Variants in FHOD3 observed in about 807,000 individuals in gnomAD.
The protein encoded by FHOD3 is formin homology 2 domain containing 3.
In FHOD3, 90 loss-of-function variants were observed where a neutral mutation model predicts 173.0. The ratio of observed to expected loss-of-function variants is 0.52; its 90% CI spans 0.44 to 0.62. FHOD3 has a LOEUF of 0.62. Ranked by LOEUF, FHOD3 falls within the 20% of genes least tolerant of loss-of-function variation. The probability of loss-of-function intolerance (pLI) is 0.00; values close to 1 mark genes in which losing one functional copy is unlikely to be tolerated. For synonymous variants in FHOD3, 828 were observed against 823.0 expected, an observed-to-expected ratio of 1.01 and a Z score of -0.10; for missense variants, 1,945 against 2,034.7, an observed-to-expected ratio of 0.96 and a Z score of 0.85.
chr18:36,335,962 G>A lies in FHOD3; in HGVS notation c.166-19577G>A, dbSNP rs184825044. Among the ~76,000 whole-genome samples the A allele has an allele frequency of 5.9e-5, 9 of 152,288 alleles. No individual in the cohort carries two copies. The South Asian group carries it at 1.5e-3, about 25-fold the overall frequency. On this transcript the variant is annotated intron_variant, in intron 1 of 28. Coordinates refer to ENST00000590592, the MANE Select transcript of FHOD3 (RefSeq NM_001281740.3). ...ATGCACATGACGGCACGGGCATCTC[G>A]CTGGGAGAACAGCATGAACGTTGTG...
intron 3 of FHOD3, among the ~76,000 whole-genome samples, chr18:36,438,624 ACC>A (rs1332649831): frequency 6.6e-6 from 1 of 152,014 alleles, no homozygotes. Flanking sequence ...CAGTCACCCG[ACC>A]CAGAGGCCTG....
intron 3 of FHOD3, among the ~76,000 whole-genome samples, chr18:36,462,572 C>T (rs932371873): frequency 6.6e-6 from 1 of 150,844 alleles, no homozygotes; most frequent in African/African-American, 2.5e-5. Flanking sequence ...AGCTTGTGAT[C>T]GCCTGCCTCG....
Position 36,691,100 on chromosome 18 carries a change from C to T in FHOD3, c.2022-2109C>T, listed in dbSNP as rs145477927. ...CTCTGGGATGAGTGGCCCCTGGAGT[C>T]TCCCAGAAAGTGGGTTAAACCCTTT... On this transcript the variant is annotated intron_variant, in intron 16 of 28. Transcript: ENST00000590592. 1.8e-3 allele frequency among the ~76,000 whole-genome samples: 272 copies of T among 152,288 alleles called. 2 individuals carry two copies. Among genetic ancestry groups the T allele is most frequent in the African/African-American group, 6.3e-3 (261 of 41,556 alleles).
At chr18:36,416,616 C>T (rs1312530956) in intron 3 of FHOD3, among the ~76,000 whole-genome samples, 1 of 152,168 alleles carries the variant, frequency 6.6e-6, no homozygotes, top group Non-Finnish European at 1.5e-5. Flanking sequence ...GCCCATGAGT[C>T]CTTTCTCCAT....
chr18:36,469,294 A>C (rs1241555144), intron 3 of FHOD3, among the ~76,000 whole-genome samples: 1 of 152,120 alleles, frequency 6.6e-6, no homozygotes, highest in Non-Finnish European at 1.5e-5. Flanking sequence ...CATATCCCCT[A>C]TGGTGGATTT....
intron 4 of FHOD3, 41 bp downstream of exon 4, chr18:36,502,040 G>A (rs932412219): frequency 7.2e-7 from 1 of 1,379,908 alleles, no homozygotes; most frequent in Admixed American, 1.9e-5. Flanking sequence ...TTTTTACATT[G>A]CTGTGAAATT....
intron 8 of FHOD3, among the ~76,000 whole-genome samples, chr18:36,603,362 G>C (rs910884966): frequency 6.6e-6 from 1 of 152,100 alleles, no homozygotes; most frequent in African/African-American, 2.4e-5. Flanking sequence ...ATGCGTGCAG[G>C]TGTGTGTGCT....
chr18:36,429,683 A>G (rs1349930875), intron 3 of FHOD3, among the ~76,000 whole-genome samples: 2 of 152,206 alleles, frequency 1.3e-5, no homozygotes, highest in Non-Finnish European at 2.9e-5. Context: ...GAAAGGAGAC[A>G]TGGCAGAACT....
intron 8 of FHOD3, among the ~76,000 whole-genome samples, chr18:36,607,496 A>G (rs1166747845): frequency 6.6e-6 from 1 of 152,178 alleles, no homozygotes; most frequent in Non-Finnish European, 1.5e-5. Context: ...CGTCTTGGTG[A>G]ATAACGCTGG....
At chr18:36,589,396 C>T (rs181514238) in intron 6 of FHOD3, among the ~76,000 whole-genome samples, 218 of 152,204 alleles carry the variant, frequency 1.4e-3, no homozygotes, top group Non-Finnish European at 2.0e-3. Flanking sequence ...TTTCTCCAGC[C>T]CAAAGAAAGT....
intron 3 of FHOD3, among the ~76,000 whole-genome samples, chr18:36,480,471 A>G (rs1442412336): frequency 6.6e-6 from 1 of 152,220 alleles, no homozygotes; most frequent in Non-Finnish European, 1.5e-5. Flanking sequence ...CTTCTGACCT[A>G]GGAACATGCA....
chr18:36,716,720 C>A (rs1462549687), intron 18 of FHOD3, among the ~76,000 whole-genome samples: 1 of 152,116 alleles, frequency 6.6e-6, no homozygotes, highest in Non-Finnish European at 1.5e-5. Context: ...CTGAAAGCAG[C>A]AGCTGAGAAG....
chr18:36,405,405 T>C (rs555612865), intron 3 of FHOD3, among the ~76,000 whole-genome samples: 6 of 152,244 alleles, frequency 3.9e-5, no homozygotes, highest in Non-Finnish European at 8.8e-5. Flanking sequence ...GCTATGGAGA[T>C]ATTCTTCTTT....
At chr18:36,565,929 T>C (rs2058247417) in intron 5 of FHOD3, among the ~76,000 whole-genome samples, 1 of 152,204 alleles carries the variant, frequency 6.6e-6, no homozygotes, top group Non-Finnish European at 1.5e-5. Flanking sequence ...GTAAAAGTTG[T>C]GATATATCTA....
rs978432955 is a variant in FHOD3 at position 36,626,874 on chromosome 18, A to G, written c.1196+1125A>G. On this transcript the variant is annotated intron_variant, in intron 10 of 28. Coordinates refer to ENST00000590592, the MANE Select transcript of FHOD3 (RefSeq NM_001281740.3). ...AGGTGCCCCAAACAATCTGATACCCATGGAATCATTTGAGCAGGACCCAGG... is the reference window on the plus strand; with the variant it reads ...AGGTGCCCCAAACAATCTGATACCCGTGGAATCATTTGAGCAGGACCCAGG... Among the ~76,000 whole-genome samples, 9 of 152,182 alleles carry G rather than the reference A, an allele frequency of 5.9e-5. No individual in the cohort carries two copies. The East Asian group carries it at 1.2e-3, about 20-fold the overall frequency.
chr18:36,648,923 G>T (rs1432025123), intron 10 of FHOD3, among the ~76,000 whole-genome samples: 1 of 152,192 alleles, frequency 6.6e-6, no homozygotes, highest in Non-Finnish European at 1.5e-5. Flanking sequence ...GCAGCAGCTG[G>T]TCATCACCAA....
At chr18:36,361,397 C>T (rs2046605985) in intron 2 of FHOD3, among the ~76,000 whole-genome samples, 1 of 152,058 alleles carries the variant, frequency 6.6e-6, no homozygotes, top group African/African-American at 2.4e-5. Flanking sequence ...TTAAAAAAAG[C>T]TGTCCAGGCT....
chr18:36,387,841 T>C (rs574062026), intron 3 of FHOD3, among the ~76,000 whole-genome samples: 1 of 152,070 alleles, frequency 6.6e-6, no homozygotes, highest in South Asian at 2.1e-4. Context: ...TTGCCAGTGG[T>C]GTGATGTGTC....
chr18:36,351,314 G>A (rs375056454), intron 1 of FHOD3, among the ~76,000 whole-genome samples: 2 of 152,318 alleles, frequency 1.3e-5, no homozygotes, highest in East Asian at 3.9e-4. Context: ...AGGGATCCGG[G>A]TTGTGACATC....
Sources: gnomAD v4.1 joint callset for allele counts (sites outside exome capture counted in the v4.1 genomes callset) on GRCh38, gnomAD v4.1.1 for gene constraint, MANE v1.5 for transcripts, NCBI Gene and HGNC (gene_info 2026-07-23, HGNC 2026-07-21) for gene names.